Variants in STARD13 observed in about 807,000 individuals in gnomAD.
STARD13 encodes the protein StAR related lipid transfer domain containing 13.
STARD13 carries 62 observed loss-of-function variants against 106.4 expected under a neutral mutation model. The ratio of observed to expected loss-of-function variants is 0.58; its 90% CI spans 0.48 to 0.72. The LOEUF (loss-of-function observed/expected upper bound fraction) is 0.72. Among genes scored for constraint, STARD13 ranks in the 30% least tolerant of loss-of-function variants. STARD13 has a pLI of 0.00. For missense variants in STARD13, 1,387 were observed against 1,424.0 expected, an observed-to-expected ratio of 0.97 and a Z score of 0.42; for synonymous variants, 565 against 553.0, an observed-to-expected ratio of 1.02 and a Z score of -0.31.
chr13:33,343,585 A>AAAC lies in STARD13; in HGVS notation c.124+6704_124+6705insGTT, dbSNP rs1594286832. Among the ~76,000 whole-genome samples the AAAC allele has an allele frequency of 7.4e-5, 7 of 94,966 alleles. No homozygotes were observed. In the East Asian group the frequency reaches 1.2e-3, roughly 16 times the overall value. The allele number at this position is 94,966 out of a possible 152,430, so 62.3% of individuals were successfully genotyped here. A position where few individuals can be genotyped will look rare whatever the true frequency, so the allele number is the denominator to read the frequency against. ...AGATTGAGACCCTGTCTTAAAAAAA[A>AAAC]AAAAAAAAAAAACAAATCTACAAAT... On this transcript the variant is annotated intron_variant, in intron 1 of 5. Transcript: ENST00000567873.
At chr13:33,401,892 T>C in the STARD13 span, among the ~76,000 whole-genome samples, 5 of 152,228 alleles carry the variant, frequency 3.3e-5, no homozygotes, top group Non-Finnish European at 7.3e-5. Context: ...TTCCAACACA[T>C]CAAAGTATTT....
intron 7 of STARD13, among the ~76,000 whole-genome samples, chr13:33,125,007 G>C (rs964705804): frequency 7.2e-5 from 11 of 152,204 alleles, no homozygotes; most frequent in African/African-American, 2.7e-4. Flanking sequence ...GAGGGACAAA[G>C]GGGAACACAC....
At chr13:33,477,747 A>G in the STARD13 span, among the ~76,000 whole-genome samples, 1 of 152,192 alleles carries the variant, frequency 6.6e-6, no homozygotes, top group Non-Finnish European at 1.5e-5. Flanking sequence ...CAGATTCCCC[A>G]TGACTGAGAA....
chr13:33,169,530 C>G (rs1016381239), intron 1 of STARD13, among the ~76,000 whole-genome samples: 1 of 152,170 alleles, frequency 6.6e-6, no homozygotes, highest in East Asian at 1.9e-4. Context: ...CGAGAAAACA[C>G]CTAATTTCTA....
At chr13:33,219,710 C>A (rs1199637789) in intron 1 of STARD13, among the ~76,000 whole-genome samples, 1 of 147,450 alleles carries the variant, frequency 6.8e-6, no homozygotes, top group Non-Finnish European at 1.5e-5. Flanking sequence ...GAGGCCAAGG[C>A]AGGAGGATCT....
At chr13:33,516,078 C>T in the STARD13 span, among the ~76,000 whole-genome samples, 1 of 150,418 alleles carries the variant, frequency 6.6e-6, no homozygotes, top group South Asian at 2.1e-4. Flanking sequence ...CATATATATA[C>T]ACACACACAT....
At chr13:33,491,601 C>A in the STARD13 span, among the ~76,000 whole-genome samples, 1 of 152,102 alleles carries the variant, frequency 6.6e-6, no homozygotes, top group South Asian at 2.1e-4. Flanking sequence ...TTATAAAATA[C>A]AATCAAGGAT....
At chr13:33,127,958 T>G (rs1593904557) in intron 5 of STARD13, among the ~76,000 whole-genome samples, 2 of 147,808 alleles carry the variant, frequency 1.4e-5, no homozygotes, top group Admixed American at 6.8e-5. Flanking sequence ...CAGGGAGATA[T>G]AGACAGAAGC....
At chr13:33,133,134 G>A (rs1878557847) in intron 4 of STARD13, among the ~76,000 whole-genome samples, 1 of 152,156 alleles carries the variant, frequency 6.6e-6, no homozygotes, top group Admixed American at 6.5e-5. Context: ...TTTAGTGTTG[G>A]CCCCAACTAC....
chr13:33,361,116 T>C, the STARD13 span, among the ~76,000 whole-genome samples: 2 of 151,512 alleles, frequency 1.3e-5, no homozygotes, highest in Non-Finnish European at 2.9e-5. Flanking sequence ...GGATTTTTTT[T>C]CAAAAACAGT....
chr13:33,325,570 A>G (rs1254595392), intron 1 of STARD13, among the ~76,000 whole-genome samples: 1 of 152,116 alleles, frequency 6.6e-6, no homozygotes, highest in Non-Finnish European at 1.5e-5. Flanking sequence ...AAACTATCCA[A>G]ATGTTACACT....
the STARD13 span, among the ~76,000 whole-genome samples, chr13:33,545,695 T>C: frequency 1.3e-5 from 2 of 152,216 alleles, no homozygotes; most frequent in Non-Finnish European, 2.9e-5. Context: ...TATTAGTTGC[T>C]GTCAGAGCTG....
At chr13:33,549,084 T>G in the STARD13 span, among the ~76,000 whole-genome samples, 2 of 152,198 alleles carry the variant, frequency 1.3e-5, no homozygotes, top group African/African-American at 4.8e-5. Flanking sequence ...AGAAAATGTT[T>G]GTCCTTAGCA....
At chr13:33,407,589 G>GT in the STARD13 span, among the ~76,000 whole-genome samples, 26 of 152,160 alleles carry the variant, frequency 1.7e-4, no homozygotes, top group South Asian at 4.1e-4. Flanking sequence ...GAAATTATGG[G>GT]TTTTTTTGTC....
the STARD13 span, among the ~76,000 whole-genome samples, chr13:33,394,798 T>C: frequency 6.6e-6 from 1 of 152,180 alleles, no homozygotes; most frequent in South Asian, 2.1e-4. Flanking sequence ...ACAACAACGC[T>C]GGCCAGAGCA....
At chr13:33,385,143 A>G in the STARD13 span, among the ~76,000 whole-genome samples, 1 of 142,158 alleles carries the variant, frequency 7.0e-6, no homozygotes, top group African/African-American at 2.6e-5. Context: ...ATATATATAT[A>G]TATGCATGTC....
intron 1 of STARD13, among the ~76,000 whole-genome samples, chr13:33,297,098 C>G (rs1005545465): frequency 6.6e-6 from 1 of 152,222 alleles, no homozygotes; most frequent in African/African-American, 2.4e-5. Flanking sequence ...CATGAAGATA[C>G]AGAGACTCCT....
At chr13:33,407,741 G>A in the STARD13 span, among the ~76,000 whole-genome samples, 1 of 152,146 alleles carries the variant, frequency 6.6e-6, no homozygotes, top group Non-Finnish European at 1.5e-5. Flanking sequence ...GAAAAGCTTG[G>A]CCTGGGAGTT....
intron 1 of STARD13, among the ~76,000 whole-genome samples, chr13:33,264,484 A>C (rs745659987): frequency 4.8e-4 from 73 of 152,166 alleles, no homozygotes; most frequent in Non-Finnish European, 9.1e-4. Context: ...ATTGGCATGG[A>C]GAGGCAATTA....
Sources: gnomAD v4.1 joint callset for allele counts (sites outside exome capture counted in the v4.1 genomes callset) on GRCh38, gnomAD v4.1.1 for gene constraint, MANE v1.5 for transcripts, NCBI Gene and HGNC (gene_info 2026-07-23, HGNC 2026-07-21) for gene names.